The following TCF20 variants were observed in gnomAD, a reference collection of about 807,000 sequenced individuals.
The protein encoded by TCF20 is SPRE-binding protein.
TCF20 carries 3 observed loss-of-function variants against 148.6 expected under a neutral mutation model. The ratio of observed to expected loss-of-function variants is 0.02; its 90% CI spans 0.01 to 0.05. TCF20 has a LOEUF of 0.05. Among genes scored for constraint, TCF20 ranks in the 10% least tolerant of loss-of-function variants. TCF20 has a pLI of 1.00. For synonymous variants in TCF20, 1,049 were observed against 909.5 expected, an observed-to-expected ratio of 1.15 and a Z score of -2.76; for missense variants, 2,350 against 2,429.3, an observed-to-expected ratio of 0.97 and a Z score of 0.69.
intron 1 of TCF20, among the ~76,000 whole-genome samples, chr22:42,262,006 G>A (rs1444345540): frequency 2.0e-5 from 3 of 152,078 alleles, no homozygotes; most frequent in African/African-American, 4.8e-5. Context: ...AAGTTCCAGA[G>A]GTGGGAAAGA....
chr22:42,341,821 A>G (rs1292390901), intron 1 of TCF20, among the ~76,000 whole-genome samples: 1 of 152,146 alleles, frequency 6.6e-6, no homozygotes, highest in African/African-American at 2.4e-5. Context: ...ATTGAGAGCA[A>G]TAATGGAAGG....
intron 1 of TCF20, among the ~76,000 whole-genome samples, chr22:42,302,780 C>T (rs1249807303): frequency 2.0e-5 from 3 of 152,202 alleles, no homozygotes; most frequent in Non-Finnish European, 4.4e-5. Flanking sequence ...CCTGTAGTTC[C>T]GGAACAATTT....
At chr22:42,308,472 C>T (rs1927474519) in intron 1 of TCF20, among the ~76,000 whole-genome samples, 1 of 152,090 alleles carries the variant, frequency 6.6e-6, no homozygotes, top group African/African-American at 2.4e-5. Context: ...ACTAATGTCA[C>T]CCCCATTTTA....
intron 3 of TCF20, among the ~76,000 whole-genome samples, chr22:42,174,794 G>A (rs1315854426): frequency 6.6e-6 from 1 of 151,824 alleles, no homozygotes. Flanking sequence ...CCAGCACTTT[G>A]GGGGGCCAAG....
intron 1 of TCF20, among the ~76,000 whole-genome samples, chr22:42,306,099 C>T (rs1262768668): frequency 3.3e-5 from 5 of 152,248 alleles, no homozygotes; most frequent in Non-Finnish European, 7.3e-5. Flanking sequence ...CCGCAGGCAG[C>T]GTGGACTGAG....
intron 1 of TCF20, among the ~76,000 whole-genome samples, chr22:42,242,224 A>AAAAAAAAAAAAAAAAAC (rs1555942548): frequency 2.7e-5 from 4 of 147,696 alleles, no homozygotes; most frequent in African/African-American, 1.0e-4. Flanking sequence ...AAAAAAAAAA[A>AAAAAAAAAAAAAAAAAC]AAACAGAAAA....
chr22:42,236,786 T>C (rs1229352689), intron 1 of TCF20, among the ~76,000 whole-genome samples: 1 of 152,170 alleles, frequency 6.6e-6, no homozygotes, highest in African/African-American at 2.4e-5. Flanking sequence ...GTCACACAAA[T>C]TTTCTGGTTT....
chr22:42,173,647 CAG>C (rs1298614289), intron 3 of TCF20, among the ~76,000 whole-genome samples: 2 of 152,206 alleles, frequency 1.3e-5, no homozygotes, highest in Non-Finnish European at 2.9e-5. Flanking sequence ...ACATCATACA[CAG>C]AGAGCAATTT....
At chr22:42,325,383 C>G (rs1027553977) in intron 1 of TCF20, among the ~76,000 whole-genome samples, 19 of 152,124 alleles carry the variant, frequency 1.2e-4, no homozygotes, top group Admixed American at 7.2e-4. Flanking sequence ...CACTCCTCAC[C>G]TCAACAGGTG....
At chr22:42,326,099 C>T (rs1433341143) in intron 1 of TCF20, among the ~76,000 whole-genome samples, 1 of 151,966 alleles carries the variant, frequency 6.6e-6, no homozygotes, top group Admixed American at 6.5e-5. Flanking sequence ...GGTGAAGGAG[C>T]CAACTCCCCC....
At chr22:42,262,549 C>T (rs1052470632) in intron 1 of TCF20, among the ~76,000 whole-genome samples, 17 of 151,982 alleles carry the variant, frequency 1.1e-4, no homozygotes, top group Non-Finnish European at 2.1e-4. Flanking sequence ...GAGTTGAAGG[C>T]GCTAGAAGAC....
chr22:42,289,820 C>T (rs1346800798), intron 1 of TCF20, among the ~76,000 whole-genome samples: 2 of 152,106 alleles, frequency 1.3e-5, no homozygotes, highest in African/African-American at 4.8e-5. Context: ...CTGGCAGACC[C>T]CCAAAGAGCG....
intron 1 of TCF20, among the ~76,000 whole-genome samples, chr22:42,258,668 G>A (rs761504883): frequency 6.6e-6 from 1 of 152,086 alleles, no homozygotes; most frequent in Non-Finnish European, 1.5e-5. Flanking sequence ...TTCAATAAAT[G>A]CAACACTTTT....
At chr22:42,293,041 GC>G (rs1569202621) in intron 1 of TCF20, among the ~76,000 whole-genome samples, 1 of 152,010 alleles carries the variant, frequency 6.6e-6, no homozygotes, top group African/African-American at 2.4e-5. Context: ...AGGATACAAA[GC>G]CCCGGGGCCA....
intron 2 of TCF20, among the ~76,000 whole-genome samples, chr22:42,206,508 T>G (rs1037530206): frequency 6.6e-6 from 1 of 152,210 alleles, no homozygotes. Context: ...ACGGATTATT[T>G]TGAGCGCTCA....
intron 2 of TCF20, among the ~76,000 whole-genome samples, chr22:42,197,288 G>T (rs1190660334): frequency 6.6e-6 from 1 of 150,862 alleles, no homozygotes; most frequent in Non-Finnish European, 1.5e-5. Context: ...ATCCTTTACA[G>T]TCCTCTATCA....
chr22:42,190,496 AG>A (rs1937276193), intron 2 of TCF20, among the ~76,000 whole-genome samples: 3 of 151,962 alleles, frequency 2.0e-5, no homozygotes, highest in African/African-American at 4.8e-5. Context: ...CATACTTCCC[AG>A]GAAGTACCAG....
At chr22:42,260,536 G>C (rs1195093952) in intron 1 of TCF20, among the ~76,000 whole-genome samples, 1 of 152,142 alleles carries the variant, frequency 6.6e-6, no homozygotes, top group Non-Finnish European at 1.5e-5. Flanking sequence ...ATTCATGAGA[G>C]ATACATATAT....
chr22:42,198,773 T>C (rs1373903791), intron 2 of TCF20, among the ~76,000 whole-genome samples: 18 of 151,960 alleles, frequency 1.2e-4, no homozygotes, highest in Admixed American at 1.1e-3. Flanking sequence ...GCCATTCTCC[T>C]GCCTCAGCCT....
Sources: gnomAD v4.1 joint callset for allele counts (sites outside exome capture counted in the v4.1 genomes callset) on GRCh38, gnomAD v4.1.1 for gene constraint, MANE v1.5 for transcripts, NCBI Gene and HGNC (gene_info 2026-07-23, HGNC 2026-07-21) for gene names.